PXDNL: variants seen among roughly 807,000 people sequenced by gnomAD.
PXDNL encodes probable oxidoreductase PXDNL.
Under a neutral mutation model 150.8 loss-of-function variants are expected in PXDNL, and 145 were observed. The ratio of observed to expected loss-of-function variants is 0.96; its 90% CI spans 0.84 to 1.10. The LOEUF is 1.10. Ranked by LOEUF, PXDNL falls within the 50% of genes least tolerant of loss-of-function variation. The pLI, the probability that PXDNL is intolerant of heterozygous loss-of-function variation, is 0.00. For synonymous variants in PXDNL, 757 were observed against 725.7 expected (o/e 1.04, Z -0.69); for missense variants, 2,087 against 1,873.9 (o/e 1.11, Z -2.10).
chr8:51,429,049 T>A (rs1809185312), intron 12 of PXDNL, among the ~76,000 whole-genome samples: 1 of 39,920 alleles, frequency 2.5e-5, no homozygotes. Context: ...CTGTAGAGGA[T>A]ATACAGATGG....
chr8:51,453,746 A>G lies in PXDNL; in HGVS notation c.1022T>C (p.Val341Ala), dbSNP rs760611391. The change falls in exon 10 of 23, where the codon GTT becomes GCT. Residue 341 changes from valine (V) to alanine (A), a missense_variant. Transcript: ENST00000356297. ...SFVIQPQDTE[V>A]LIGTSTTLEC... ...CAAAGTTGTGCTGGTGCCAATTAAA[A>G]CCTCTGTGTCCTGAGGCTGGATTAC... The G allele has an allele frequency of 6.2e-7, 1 of 1,613,590 alleles. No homozygotes were observed. Among genetic ancestry groups the G allele is most frequent in the Non-Finnish European group, 8.5e-7 (1 of 1,179,814 alleles).
chr8:51,472,421 C>T (rs1163878773), intron 7 of PXDNL, 117 bp from the exon 8 acceptor site: 9 of 671,788 alleles, frequency 1.3e-5, no homozygotes, highest in Admixed American at 1.0e-4. Flanking sequence ...TTTTACACAT[C>T]GAACTGCATT....
At chr8:51,802,961 A>T (rs2037636398) in intron 1 of PXDNL, among the ~76,000 whole-genome samples, 1 of 152,262 alleles carries the variant, frequency 6.6e-6, no homozygotes, top group Non-Finnish European at 1.5e-5. Context: ...TATAAACATT[A>T]TTTGTGAAAG....
At position 51,772,298 on chromosome 8, in the gene PXDNL, C is replaced by A. The variant is rs760387135; in HGVS notation, c.164+36883G>T. Among the ~76,000 whole-genome samples the A allele has an allele frequency of 4.8e-4, 73 of 151,826 alleles. 1 individual carries two copies. The highest frequency in any genetic ancestry group is 7.1e-4 in the Non-Finnish European group (48 of 67,934). ...TGCTCCGATGGGTCACACCTCCTTGCATGCCCCACTCTCTCTTTTCTGGCT... is the reference window on the plus strand; with the variant it reads ...TGCTCCGATGGGTCACACCTCCTTGAATGCCCCACTCTCTCTTTTCTGGCT... On this transcript the variant is annotated intron_variant, in intron 1 of 22. Transcript: ENST00000356297.
intron 10 of PXDNL, among the ~76,000 whole-genome samples, chr8:51,449,841 A>G (rs1385269566): frequency 1.3e-5 from 2 of 152,234 alleles, no homozygotes; most frequent in African/African-American, 4.8e-5. Flanking sequence ...AGGTGTCCCA[A>G]TCCAGATCCC....
rs1389588695 is a variant in PXDNL, at chr8:51,634,478, G to A, written c.236+20211C>T. Among the ~76,000 whole-genome samples, 10 of 152,048 alleles carry A rather than the reference G, an allele frequency of 6.6e-5. No individual in the cohort carries two copies. The South Asian group carries it at 8.3e-4, about 13-fold the overall frequency. On this transcript the variant is annotated intron_variant, in intron 2 of 22. Transcript: ENST00000356297. ...GGCTATTTGGCTGTCATTTGGTTCC[G>A]TATTAATTTTAGAATAGTTTTTTAC...
intron 1 of PXDNL, among the ~76,000 whole-genome samples, chr8:51,735,846 T>A (rs150116156): frequency 3.3e-5 from 5 of 152,222 alleles, no homozygotes; most frequent in African/African-American, 9.6e-5. Context: ...GCGCCCGGCC[T>A]AAAAATTGTT....
At chr8:51,413,338 T>C in intron 14 of PXDNL, 80 bp from the exon 15 acceptor site, 1 of 796,816 alleles carries the variant, frequency 1.3e-6, no homozygotes, top group Admixed American at 2.3e-5. Context: ...GGCATTACAT[T>C]TTTAAATGTA....
intron 2 of PXDNL, among the ~76,000 whole-genome samples, chr8:51,603,200 A>T (rs1205892490): frequency 6.6e-6 from 1 of 151,752 alleles, no homozygotes; most frequent in African/African-American, 2.4e-5. Flanking sequence ...TTTATATAGG[A>T]TAGTTTCTAC....
chr8:51,467,597 C>A (rs1274557489), intron 8 of PXDNL, among the ~76,000 whole-genome samples: 1 of 152,054 alleles, frequency 6.6e-6, no homozygotes, highest in African/African-American at 2.4e-5. Flanking sequence ...CAAACCTGCA[C>A]TTGTACCTCC....
intron 5 of PXDNL, among the ~76,000 whole-genome samples, chr8:51,484,124 T>C (rs1810668999): frequency 6.6e-6 from 1 of 152,072 alleles, no homozygotes; most frequent in Non-Finnish European, 1.5e-5. Flanking sequence ...GTGAACTAAA[T>C]ATTTTAAATT....
intron 4 of PXDNL, among the ~76,000 whole-genome samples, chr8:51,550,841 A>G (rs1268018459): frequency 1.3e-5 from 2 of 152,184 alleles, no homozygotes; most frequent in African/African-American, 4.8e-5. Context: ...AGAAAGAAAG[A>G]AAGGGCATCC....
At chr8:51,616,605 AT>A (rs68144880) in intron 2 of PXDNL, among the ~76,000 whole-genome samples, 144,892 of 152,252 alleles carry the variant, frequency 0.95, 69,015 homozygotes, top group East Asian at 0.98. Context: ...ATGTAAGATG[AT>A]TGTAGTATTG....
chr8:51,540,842 ATT>A (rs1342984956), intron 4 of PXDNL, among the ~76,000 whole-genome samples: 1 of 151,980 alleles, frequency 6.6e-6, no homozygotes, highest in Non-Finnish European at 1.5e-5. Context: ...GTTGTATCAC[ATT>A]TTGGCACCTT....
At chr8:51,787,156 G>A (rs537082307) in intron 1 of PXDNL, among the ~76,000 whole-genome samples, 1 of 151,374 alleles carries the variant, frequency 6.6e-6, no homozygotes, top group Admixed American at 6.6e-5. Flanking sequence ...CAATGCACCT[G>A]GTCACCCAAG....
chr8:51,627,049 A>G (rs1443983238), intron 2 of PXDNL, among the ~76,000 whole-genome samples: 1 of 152,234 alleles, frequency 6.6e-6, no homozygotes, highest in Non-Finnish European at 1.5e-5. Flanking sequence ...AACATCAACA[A>G]AGCATATATC....
intron 12 of PXDNL, among the ~76,000 whole-genome samples, chr8:51,432,173 G>A (rs1809264115): frequency 6.6e-6 from 1 of 152,180 alleles, no homozygotes; most frequent in African/African-American, 2.4e-5. Flanking sequence ...ATGTAAAGAT[G>A]TAATTTCACC....
At chr8:51,534,767 G>A (rs1812022564) in intron 4 of PXDNL, among the ~76,000 whole-genome samples, 1 of 131,724 alleles carries the variant, frequency 7.6e-6, no homozygotes, top group Non-Finnish European at 1.6e-5. Flanking sequence ...CCCCCCGCCC[G>A]GCCAGCCGCC....
chr8:51,675,108 T>A (rs569775898), intron 1 of PXDNL, among the ~76,000 whole-genome samples: 2 of 152,316 alleles, frequency 1.3e-5, no homozygotes, highest in East Asian at 3.9e-4. Context: ...TCCACACCCT[T>A]GGAACTCACT....
Sources: gnomAD v4.1 joint callset for allele counts (sites outside exome capture counted in the v4.1 genomes callset) on GRCh38, gnomAD v4.1.1 for gene constraint, MANE v1.5 for transcripts, NCBI Gene and HGNC (gene_info 2026-07-23, HGNC 2026-07-21) for gene names.